FERMT2: variants seen among roughly 807,000 people sequenced by gnomAD.
FERMT2 encodes FERM domain containing kindlin 2, also known as fermitin family homolog 2.
FERMT2 carries 15 observed loss-of-function variants against 82.7 expected under a neutral mutation model. The observed-to-expected ratio is 0.18, with a 90% CI of 0.12 to 0.28. FERMT2 has a LOEUF of 0.28. Among genes scored for constraint, FERMT2 ranks in the 10% least tolerant of loss-of-function variants. The pLI, the probability that FERMT2 is intolerant of heterozygous loss-of-function variation, is 1.00. For synonymous variants in FERMT2, 274 were observed against 271.5 expected (o/e 1.01, Z -0.09); for missense variants, 645 against 809.4 (o/e 0.80, Z 2.46).
intron 9 of FERMT2, among the ~76,000 whole-genome samples, chr14:52,873,452 A>G (rs1885755300): frequency 6.6e-6 from 1 of 152,190 alleles, no homozygotes; most frequent in Non-Finnish European, 1.5e-5. Context: ...AAGATGACAG[A>G]GCAGTCATGA....
intron 4 of FERMT2, among the ~76,000 whole-genome samples, chr14:52,886,270 G>T (rs536539082): frequency 1.9e-4 from 27 of 142,440 alleles, no homozygotes; most frequent in Admixed American, 7.2e-4. Context: ...GAAACTCTTG[G>T]GGGGGAGAGA....
chr14:52,907,695 C>A (rs1447255813), intron 3 of FERMT2, among the ~76,000 whole-genome samples: 1 of 151,490 alleles, frequency 6.6e-6, no homozygotes, highest in African/African-American at 2.4e-5. Context: ...CTAGAGCAAC[C>A]ATTAAAATAG....
rs774699718 is a variant in FERMT2 at position 52,878,612 on chromosome 14, T to C, written c.933A>G (p.Glu311=). 1 of 1,610,962 alleles carries C rather than the reference T, an allele frequency of 6.2e-7. No individual in the cohort carries two copies. The highest frequency in any genetic ancestry group is 1.7e-4 in the Middle Eastern group (1 of 6,044). The part of the protein sequence containing the change: ...AILLEEIECT[E]EEMMMFAALQ... ...GGGCTGCAAACATCATCATTTCTTCTTCTGTGCATTCAATCTCTTCCAGGA... is the reference window on the plus strand; with the variant it reads ...GGGCTGCAAACATCATCATTTCTTCCTCTGTGCATTCAATCTCTTCCAGGA... The change falls in exon 7 of 15, where the codon GAA becomes GAG. Residue 311 remains glutamate, a synonymous_variant. Transcript: ENST00000341590.
intron 2 of FERMT2, among the ~76,000 whole-genome samples, chr14:52,921,398 G>C (rs1888949088): frequency 6.6e-6 from 1 of 152,116 alleles, no homozygotes; most frequent in Non-Finnish European, 1.5e-5. Flanking sequence ...TTTGAAGTTT[G>C]GCAAAAGAAT....
At chr14:52,870,681 A>G (rs1481401473) in intron 10 of FERMT2, among the ~76,000 whole-genome samples, 1 of 152,240 alleles carries the variant, frequency 6.6e-6, no homozygotes, top group African/African-American at 2.4e-5. Context: ...TATACCATAT[A>G]GCCTAGGTGT....
At chr14:52,889,252 C>T (rs1293717596) in intron 4 of FERMT2, among the ~76,000 whole-genome samples, 2 of 152,166 alleles carry the variant, frequency 1.3e-5, no homozygotes, top group Non-Finnish European at 2.9e-5. Flanking sequence ...GTAATAGCAA[C>T]GTTTTAATAA....
At chr14:52,886,615 G>C (rs1235802471) in intron 4 of FERMT2, among the ~76,000 whole-genome samples, 1 of 152,128 alleles carries the variant, frequency 6.6e-6, no homozygotes, top group African/African-American at 2.4e-5. Context: ...TCTCTGCTTT[G>C]ACACAAATCA....
In FERMT2 at chr14:52,878,652, G is replaced by A. The variant is rs371241593; in HGVS notation, c.893C>T (p.Ala298Val). ...CTCTTCCAGGAGAATGGCCCATTTG[G>A]CCTGCTCGTAAAGCTGATTGATTCT... ...AIRINQLYEQ[A>V]KWAILLEEIE... Residue 298 changes from alanine (A) to valine (V), a missense_variant, in exon 7 of 15, where the codon GCC becomes GTC. Coordinates refer to ENST00000341590, the MANE Select transcript of FERMT2 (RefSeq NM_006832.3). The A allele has an allele frequency of 6.2e-7, 1 of 1,607,948 alleles. No homozygotes were observed. The highest frequency in any genetic ancestry group is 8.5e-7 in the Non-Finnish European group (1 of 1,176,502).
chr14:52,860,222 G>A (rs981613009), intron 13 of FERMT2, 119 bp downstream of exon 13: 22 of 705,896 alleles, frequency 3.1e-5, no homozygotes, highest in Non-Finnish European at 4.7e-5. Flanking sequence ...GAATTCTATT[G>A]TAATATGAGT....
In FERMT2 at chr14:52,874,229, A is replaced by G; in HGVS notation, c.1099-3T>C. On this transcript the variant is annotated splice_polypyrimidine_tract_variant and splice_region_variant and intron_variant, in intron 8 of 14. Coordinates refer to ENST00000341590, the MANE Select transcript of FERMT2 (RefSeq NM_006832.3). ...TCAGGAATGGAAGTAATGTCACCCT[A>G]GGAGAGAGTTAAATCCTTTTTTAAT... 1.3e-6 allele frequency: 2 copies of G among 1,576,428 alleles called. No homozygotes were observed. The highest frequency in any genetic ancestry group is 1.2e-5 in the South Asian group (1 of 83,858).
chr14:52,945,536 G>A (rs1284810668), intron 2 of FERMT2, among the ~76,000 whole-genome samples: 1 of 152,056 alleles, frequency 6.6e-6, no homozygotes, highest in African/African-American at 2.4e-5. Context: ...TTACAGGCGT[G>A]AGCCACCACT....
At chr14:52,897,702 C>A (rs1887368949) in intron 3 of FERMT2, among the ~76,000 whole-genome samples, 1 of 152,096 alleles carries the variant, frequency 6.6e-6, no homozygotes, top group South Asian at 2.1e-4. Flanking sequence ...CTCGGCCAGG[C>A]ACGACGGCTC....
chr14:52,885,108 T>C (rs1432502670), intron 4 of FERMT2, among the ~76,000 whole-genome samples: 1 of 150,274 alleles, frequency 6.7e-6, no homozygotes, highest in Non-Finnish European at 1.5e-5. Flanking sequence ...AGGTTAGGAG[T>C]TTGAGACCAG....
At chr14:52,875,480 G>T in intron 7 of FERMT2, 123 bp from the exon 8 acceptor site, 1 of 625,954 alleles carries the variant, frequency 1.6e-6, no homozygotes, top group Non-Finnish European at 2.6e-6. Flanking sequence ...AAGCGTCTAG[G>T]AACTAGAACG....
chr14:52,928,813 T>A (rs922048498), intron 2 of FERMT2, among the ~76,000 whole-genome samples: 8 of 152,156 alleles, frequency 5.3e-5, no homozygotes, highest in African/African-American at 1.7e-4. Flanking sequence ...TAAGCCTTCT[T>A]AAATTTGTAC....
chr14:52,889,434 G>A (rs1450365656), intron 4 of FERMT2, among the ~76,000 whole-genome samples: 1 of 152,182 alleles, frequency 6.6e-6, no homozygotes, highest in African/African-American at 2.4e-5. Context: ...GGAACTGGGT[G>A]AAAAAGAACA....
At chr14:52,916,499 C>A (rs746568709) in intron 3 of FERMT2, among the ~76,000 whole-genome samples, 3 of 151,914 alleles carry the variant, frequency 2.0e-5, no homozygotes, top group African/African-American at 2.4e-5. Context: ...CTGGAAAGGG[C>A]AAAACTAGGT....
rs1298158028 is a variant in FERMT2, at chr14:52,948,459, A to G, written c.157+1953T>C. 6 of 400,474 alleles carry G rather than the reference A, an allele frequency of 1.5e-5. No individual in the cohort carries two copies. In the Admixed American group the frequency reaches 2.0e-4, roughly 13 times the overall value. The allele number at this position is 400,474 out of a possible 1,614,324, so 24.8% of individuals were successfully genotyped here. A position where few individuals can be genotyped will look rare whatever the true frequency, so the allele number is the denominator to read the frequency against. On this transcript the variant is annotated intron_variant, in intron 2 of 14. Transcript: ENST00000341590. ...CTTAGCTCTACTTTTACCAAACAGG[A>G]AAGTCAGAGGCACTTTCTATTTGGA... is the stretch of plus-strand genomic sequence containing the variant.
chr14:52,875,256 A>C lies in FERMT2; in HGVS notation c.1065T>G (p.Ile355Met), dbSNP rs761036542. ...TTGACGTTTTACCCCCTTCCAGAGT[A>C]ATCTCCAGGTCTGAAAGGGCAGCAT... The part of the protein sequence containing the change: ...EVDAALSDLE[I>M]TLEGGKTSTI... Residue 355 changes from isoleucine to methionine, a missense_variant, in exon 8 of 15, where the codon ATT becomes ATG. Ile to Met is a conservative substitution (Grantham distance 10, BLOSUM62 1). Transcript: ENST00000341590. 1 of 1,612,170 alleles carries C rather than the reference A, an allele frequency of 6.2e-7. No individual in the cohort carries two copies. The highest frequency in any genetic ancestry group is 1.1e-5 in the South Asian group (1 of 90,378).
Sources: gnomAD v4.1 joint callset for allele counts (sites outside exome capture counted in the v4.1 genomes callset) on GRCh38, gnomAD v4.1.1 for gene constraint, MANE v1.5 for transcripts, NCBI Gene and HGNC (gene_info 2026-07-23, HGNC 2026-07-21) for gene names.